The following FGF12 variants were observed in gnomAD, a reference collection of about 807,000 sequenced individuals.
FGF12 encodes fibroblast growth factor 12.
FGF12 carries 14 observed loss-of-function variants against 23.6 expected under a neutral mutation model. The ratio of observed to expected loss-of-function variants is 0.59; its 90% confidence interval spans 0.39 to 0.93. The LOEUF is 0.93. Ranked by LOEUF, FGF12 falls within the 40% of genes least tolerant of loss-of-function variation. The pLI is 0.00. For synonymous variants in FGF12, 62 were observed against 77.3 expected, an observed-to-expected ratio of 0.80 and a Z score of 1.04; for missense variants, 175 against 217.8, an observed-to-expected ratio of 0.80 and a Z score of 1.24.
At chr3:192,248,962 T>C (rs887507046) in intron 4 of FGF12, among the ~76,000 whole-genome samples, 1 of 152,176 alleles carries the variant, frequency 6.6e-6, no homozygotes, top group Non-Finnish European at 1.5e-5. Flanking sequence ...GTGAAGAGTT[T>C]TGAATAGTTT....
chr3:192,531,264 C>G (rs1483315457), intron 2 of FGF12, among the ~76,000 whole-genome samples: 2 of 152,116 alleles, frequency 1.3e-5, no homozygotes, highest in Non-Finnish European at 2.9e-5. Flanking sequence ...GTTTGGTTGT[C>G]AAAGTCTTAG....
At chr3:192,197,306 A>G (rs946420587) in intron 4 of FGF12, among the ~76,000 whole-genome samples, 2 of 152,236 alleles carry the variant, frequency 1.3e-5, no homozygotes, top group African/African-American at 2.4e-5. Context: ...TCAAACACGT[A>G]TCGTGTGTCC....
intron 2 of FGF12, among the ~76,000 whole-genome samples, chr3:192,513,346 C>T (rs1406903559): frequency 6.6e-6 from 1 of 151,940 alleles, no homozygotes; most frequent in Admixed American, 6.5e-5. Context: ...AATAATCTTC[C>T]GAACTGCATG....
chr3:192,563,545 G>A (rs1712139222), intron 2 of FGF12, among the ~76,000 whole-genome samples: 1 of 152,220 alleles, frequency 6.6e-6, no homozygotes, highest in Non-Finnish European at 1.5e-5. Flanking sequence ...TAAATCCAAT[G>A]AGGAAGGATA....
At chr3:192,470,134 A>G (rs1448169950) in intron 2 of FGF12, among the ~76,000 whole-genome samples, 1 of 152,224 alleles carries the variant, frequency 6.6e-6, no homozygotes, top group East Asian at 1.9e-4. Flanking sequence ...TAAGAAGTCA[A>G]TGAAATCATC....
At chr3:192,178,294 T>TTTTTGAAGAA (rs1256450291) in intron 4 of FGF12, among the ~76,000 whole-genome samples, 1 of 152,160 alleles carries the variant, frequency 6.6e-6, no homozygotes, top group African/African-American at 2.4e-5. Flanking sequence ...AGAGCTTTCC[T>TTTTTGAAGAA]ACCAAAGAAA....
chr3:192,508,667 T>C (rs1363127419), intron 2 of FGF12, among the ~76,000 whole-genome samples: 2 of 152,176 alleles, frequency 1.3e-5, no homozygotes, highest in Non-Finnish European at 2.9e-5. Flanking sequence ...AGTTGTAGAG[T>C]AATTGCCTTT....
At chr3:192,683,171 G>T (rs1386330025) in intron 2 of FGF12, among the ~76,000 whole-genome samples, 1 of 152,146 alleles carries the variant, frequency 6.6e-6, no homozygotes, top group Non-Finnish European at 1.5e-5. Context: ...TATTCAGTTG[G>T]TGAGCAGTGA....
intron 2 of FGF12, among the ~76,000 whole-genome samples, chr3:192,380,942 CTATT>C (rs990916673): frequency 4.0e-5 from 6 of 149,468 alleles, no homozygotes; most frequent in African/African-American, 9.8e-5. Context: ...ATACAGTATT[CTATT>C]TATATATAGT....
At position 192,144,065 on chromosome 3, in the gene FGF12, T is replaced by A. The variant is rs1277075454; in HGVS notation, c.490A>T (p.Ser164Cys). The A allele has an allele frequency of 6.2e-7, 1 of 1,613,742 alleles. No individual in the cohort carries two copies. Among genetic ancestry groups the A allele is most frequent in the Non-Finnish European group, 8.5e-7 (1 of 1,179,704 alleles). ...CCATTCATGGTTGGTGTTCCAGAACTTTTCCTTGAACGCCCTTGTTTTTCT... is the reference window on the plus strand; with the variant it reads ...CCATTCATGGTTGGTGTTCCAGAACATTTCCTTGAACGCCCTTGTTTTTCT... ...IGEKQGRSRK[S>C]SGTPTMNGGK... Residue 164 changes from serine (S) to cysteine (C), a missense_variant, in exon 6 of 6, where the codon AGT (serine) becomes TGT (cysteine). Ser to Cys is a moderately radical substitution (Grantham distance 112). Transcript: ENST00000445105.
intron 2 of FGF12, among the ~76,000 whole-genome samples, chr3:192,676,406 T>A (rs1717328774): frequency 6.6e-6 from 1 of 152,174 alleles, no homozygotes; most frequent in Non-Finnish European, 1.5e-5. Context: ...CGTGTCTGAG[T>A]CACATTGCAA....
intron 2 of FGF12, among the ~76,000 whole-genome samples, chr3:192,614,854 C>A (rs1714689176): frequency 6.6e-6 from 1 of 152,108 alleles, no homozygotes; most frequent in East Asian, 1.9e-4. Context: ...GACAGAGGAG[C>A]ACTTCCAGCC....
At chr3:192,362,101 C>A (rs1055087869) in intron 2 of FGF12, among the ~76,000 whole-genome samples, 1 of 152,126 alleles carries the variant, frequency 6.6e-6, no homozygotes, top group Admixed American at 6.5e-5. Flanking sequence ...ACATTAGAAT[C>A]CTCTGCCTTG....
chr3:192,546,260 T>G (rs1461805452), intron 2 of FGF12, among the ~76,000 whole-genome samples: 1 of 152,110 alleles, frequency 6.6e-6, no homozygotes, highest in Admixed American at 6.5e-5. Flanking sequence ...CTATGAGATA[T>G]TATACATATA....
intron 4 of FGF12, among the ~76,000 whole-genome samples, chr3:192,214,614 G>A (rs1718096201): frequency 6.6e-6 from 1 of 152,188 alleles, no homozygotes; most frequent in Non-Finnish European, 1.5e-5. Flanking sequence ...AGTTTCAGTT[G>A]TTATGATGAA....
At chr3:192,687,203 T>G (rs1244752520) in intron 2 of FGF12, among the ~76,000 whole-genome samples, 2 of 150,318 alleles carry the variant, frequency 1.3e-5, no homozygotes, top group African/African-American at 2.5e-5. Context: ...GAGACAAATA[T>G]TTGCCTTGGG....
intron 2 of FGF12, among the ~76,000 whole-genome samples, chr3:192,543,889 C>T (rs1560145475): frequency 6.6e-6 from 1 of 152,152 alleles, no homozygotes; most frequent in Non-Finnish European, 1.5e-5. Flanking sequence ...ATCCAAGTGG[C>T]AAGTAAAGTC....
At chr3:192,646,821 A>T (rs1180610446) in intron 2 of FGF12, among the ~76,000 whole-genome samples, 1 of 152,086 alleles carries the variant, frequency 6.6e-6, no homozygotes, top group Admixed American at 6.6e-5. Flanking sequence ...AATATACTGA[A>T]AACCAGTACG....
chr3:192,463,526 T>C (rs140956406), intron 2 of FGF12, among the ~76,000 whole-genome samples: 1,647 of 152,312 alleles, frequency 0.011, 27 homozygotes, highest in African/African-American at 0.037. Context: ...CTTTTGGGGA[T>C]GAACTCTTCA....
Sources: gnomAD v4.1 joint callset for allele counts (sites outside exome capture counted in the v4.1 genomes callset) on GRCh38, gnomAD v4.1.1 for gene constraint, MANE v1.5 for transcripts, NCBI Gene and HGNC (gene_info 2026-07-23, HGNC 2026-07-21) for gene names.